The following TSNARE1 variants were observed in gnomAD, a reference collection of about 807,000 sequenced individuals.
TSNARE1 encodes t-SNARE domain-containing protein 1.
A neutral mutation model predicts 62.0 loss-of-function variants in TSNARE1; 49 were observed. The observed-to-expected ratio is 0.79, with a 90% CI of 0.63 to 1.00. The LOEUF (loss-of-function observed/expected upper bound fraction) is 1.00. Among genes scored for constraint, TSNARE1 ranks in the 50% least tolerant of loss-of-function variants. The pLI, the probability that TSNARE1 is intolerant of heterozygous loss-of-function variation, is 0.00. For missense variants in TSNARE1, 755 were observed against 700.1 expected (o/e 1.08, Z -0.88); for synonymous variants, 328 against 294.4 (o/e 1.11, Z -1.17).
At chr8:142,212,597 G>A (rs954681853) in intron 13 of TSNARE1, among the ~76,000 whole-genome samples, 15 of 151,930 alleles carry the variant, frequency 9.9e-5, no homozygotes, top group Admixed American at 7.9e-4. Flanking sequence ...CTTCCTGGCC[G>A]CATCCATGTG....
chr8:142,376,126 G>A (rs1053630442), intron 1 of TSNARE1, among the ~76,000 whole-genome samples: 5 of 152,216 alleles, frequency 3.3e-5, no homozygotes, highest in Admixed American at 6.5e-5. Context: ...TCAGAGAATC[G>A]CTCCATCTCT....
chr8:142,279,314 C>T (rs948169909), intron 11 of TSNARE1, among the ~76,000 whole-genome samples: 7 of 152,226 alleles, frequency 4.6e-5, no homozygotes, highest in East Asian at 3.9e-4. Context: ...AACAGGCCTC[C>T]GGCCACACGA....
At chr8:142,349,736 G>C (rs11997713) in intron 2 of TSNARE1, among the ~76,000 whole-genome samples, 3,419 of 152,320 alleles carry the variant, frequency 0.022, 139 homozygotes, top group African/African-American at 0.077. Context: ...CAGCGGCCCT[G>C]CCCGAGCTTC....
chr8:142,235,145 G>A (rs773285991), intron 12 of TSNARE1, among the ~76,000 whole-genome samples: 11 of 152,154 alleles, frequency 7.2e-5, no homozygotes, highest in Non-Finnish European at 1.3e-4. Flanking sequence ...TGCACTGAGC[G>A]CCCTGGGTGC....
chr8:142,397,248 C>T (rs541025179), intron 1 of TSNARE1, among the ~76,000 whole-genome samples: 109 of 149,706 alleles, frequency 7.3e-4, no homozygotes, highest in Admixed American at 2.8e-3. Context: ...CGAGGCAGCC[C>T]GAGGGTCTCA....
chr8:142,346,489 T>C (rs965428979), intron 2 of TSNARE1, among the ~76,000 whole-genome samples: 6 of 152,256 alleles, frequency 3.9e-5, no homozygotes, highest in South Asian at 2.1e-4. Flanking sequence ...ACACATTTCA[T>C]TGAAATTCAT....
chr8:142,253,110 G>T (rs766459509), intron 12 of TSNARE1, among the ~76,000 whole-genome samples: 2 of 152,220 alleles, frequency 1.3e-5, no homozygotes, highest in African/African-American at 4.8e-5. Flanking sequence ...GAGACCGGAC[G>T]GGCAGCCTGG....
At chr8:142,278,285 T>G in intron 11 of TSNARE1, 1 of 985,440 alleles carries the variant, frequency 1.0e-6, no homozygotes, top group South Asian at 4.7e-5. Flanking sequence ...CATGCACCGC[T>G]GTGAGCAGGA....
intron 12 of TSNARE1, chr8:142,271,255 C>T: frequency 3.9e-6 from 4 of 1,027,850 alleles, no homozygotes; most frequent in Non-Finnish European, 4.7e-6. Flanking sequence ...GTGCTTCCAC[C>T]AGCCTCTCGA....
chr8:142,383,233 G>A (rs1441391599), intron 1 of TSNARE1, among the ~76,000 whole-genome samples: 2 of 152,214 alleles, frequency 1.3e-5, no homozygotes, highest in Admixed American at 6.5e-5. Context: ...GAACAACCCA[G>A]GGTCAGGCTG....
At chr8:142,314,552 C>G in intron 8 of TSNARE1, 112 bp from the exon 9 acceptor site, 1 of 867,618 alleles carries the variant, frequency 1.2e-6, no homozygotes, top group Non-Finnish European at 1.8e-6. Context: ...GCAAAACACG[C>G]CTGCCACTCC....
intron 11 of TSNARE1, chr8:142,279,783 T>A (rs1044175153): frequency 1.1e-5 from 9 of 782,912 alleles, no homozygotes; most frequent in Admixed American, 1.2e-4. Context: ...TGCAGAAGGC[T>A]CAAGCCCACT....
chr8:142,359,922 G>A (rs1380551352), intron 1 of TSNARE1, among the ~76,000 whole-genome samples: 1 of 152,210 alleles, frequency 6.6e-6, no homozygotes, highest in Non-Finnish European at 1.5e-5. Flanking sequence ...CCAGGAGGAG[G>A]GGTCAGCACC....
chr8:142,347,174 G>A (rs1000734086), intron 2 of TSNARE1, among the ~76,000 whole-genome samples: 6 of 152,238 alleles, frequency 3.9e-5, no homozygotes, highest in Non-Finnish European at 5.9e-5. Flanking sequence ...GGCTCATTTC[G>A]GGGCGGAGGT....
chr8:142,247,452 T>C (rs1817933580), intron 12 of TSNARE1: 1 of 152,260 alleles, frequency 6.6e-6, no homozygotes. Context: ...AGTAGAAATG[T>C]CTGTCCTATG....
intron 13 of TSNARE1, among the ~76,000 whole-genome samples, 187 bp from the exon 14 acceptor site, chr8:142,212,500 C>A (rs922245873): frequency 1.3e-5 from 2 of 151,934 alleles, no homozygotes; most frequent in Non-Finnish European, 2.9e-5. Context: ...TCTCCTGGCC[C>A]TGGTCAGGCT....
At chr8:142,217,192 C>G (rs564819431) in intron 13 of TSNARE1, among the ~76,000 whole-genome samples, 1 of 150,602 alleles carries the variant, frequency 6.6e-6, no homozygotes, top group African/African-American at 2.4e-5. Context: ...TGCAGTGAGC[C>G]GAGATAGGGC....
intron 12 of TSNARE1, among the ~76,000 whole-genome samples, chr8:142,230,358 A>G (rs1817043987): frequency 6.6e-6 from 1 of 152,200 alleles, no homozygotes; most frequent in East Asian, 1.9e-4. Flanking sequence ...GGGAAGGGAG[A>G]CAGATTGGGA....
intron 1 of TSNARE1, among the ~76,000 whole-genome samples, chr8:142,390,944 A>G (rs1297933818): frequency 4.3e-4 from 31 of 72,600 alleles, no homozygotes; most frequent in African/African-American, 1.1e-3. Context: ...TGTACACTGC[A>G]GGGGACTCTA....
Sources: gnomAD v4.1 joint callset for allele counts (sites outside exome capture counted in the v4.1 genomes callset) on GRCh38, gnomAD v4.1.1 for gene constraint, MANE v1.5 for transcripts, NCBI Gene and HGNC (gene_info 2026-07-23, HGNC 2026-07-21) for gene names.